Variants in CFAP221 observed in about 807,000 individuals in gnomAD.
CFAP221 encodes the protein cilia and flagella associated protein 221.
A neutral mutation model predicts 113.1 loss-of-function variants in CFAP221; 97 were observed. The observed-to-expected ratio is 0.86, with a 90% CI of 0.73 to 1.02. The LOEUF (loss-of-function observed/expected upper bound fraction) is 1.02, where lower values mean the gene tolerates loss of function less well. Among genes scored for constraint, CFAP221 ranks in the 50% least tolerant of loss-of-function variants. The pLI is 0.00. For missense variants in CFAP221, 1,025 were observed against 1,013.4 expected (o/e 1.01, Z -0.16); for synonymous variants, 331 against 354.4 (o/e 0.93, Z 0.74).
At chr2:119,587,944 A>G (rs1683334873) in intron 7 of CFAP221, among the ~76,000 whole-genome samples, 1 of 152,190 alleles carries the variant, frequency 6.6e-6, no homozygotes, top group Non-Finnish European at 1.5e-5. Context: ...ATGTACTTAG[A>G]TTATTTTCTA....
Position 119,555,043 on chromosome 2 carries a change from G to A in CFAP221, c.241-4646G>A, listed in dbSNP as rs1025828418. Among the ~76,000 whole-genome samples, 7 of 152,304 alleles carry A rather than the reference G, an allele frequency of 4.6e-5. No homozygotes were observed. The East Asian group carries it at 1.2e-3, about 25-fold the overall frequency. ...GACTCCCCCAAGGAGACACAGAAGG[G>A]AGCCTGAAGCAGCATGGGATTGGGG... On this transcript the variant is annotated intron_variant, in intron 3 of 23. Transcript: ENST00000413369.
At chr2:119,581,891 C>T (rs1442867734) in intron 6 of CFAP221, among the ~76,000 whole-genome samples, 1 of 151,740 alleles carries the variant, frequency 6.6e-6, no homozygotes, top group African/African-American at 2.4e-5. Context: ...AAAGTGAGAT[C>T]CCATCTCTAT....
At chr2:119,605,416 C>A in intron 11 of CFAP221, 127 bp downstream of exon 11, 1 of 738,124 alleles carries the variant, frequency 1.4e-6, no homozygotes, top group Non-Finnish European at 2.3e-6. Context: ...ATGATTGTTT[C>A]ACTGCCAGTG....
intron 5 of CFAP221, among the ~76,000 whole-genome samples, chr2:119,561,226 G>A (rs1422291156): frequency 4.6e-5 from 7 of 152,014 alleles, no homozygotes; most frequent in Non-Finnish European, 1.0e-4. Flanking sequence ...GGAGGTGGAG[G>A]TTGCGGTGAG....
chr2:119,627,161 A>G (rs1686369044), intron 15 of CFAP221, among the ~76,000 whole-genome samples: 1 of 151,562 alleles, frequency 6.6e-6, no homozygotes, highest in African/African-American at 2.4e-5. Context: ...AGCCTTCCCC[A>G]TCCTCCCTAG....
intron 21 of CFAP221, among the ~76,000 whole-genome samples, chr2:119,646,044 A>T (rs951558319): frequency 5.3e-5 from 8 of 152,188 alleles, no homozygotes; most frequent in Non-Finnish European, 1.0e-4. Context: ...TAAAAATAAC[A>T]ATGTATTTTC....
chr2:119,640,043 AT>A (rs1223512338), intron 21 of CFAP221, among the ~76,000 whole-genome samples, 171 bp downstream of exon 21: 1 of 152,192 alleles, frequency 6.6e-6, no homozygotes, highest in Admixed American at 6.5e-5. Context: ...CATATTTGGA[AT>A]TTATCTTGAG....
chr2:119,651,897 A>G, intron 22 of CFAP221, 77 bp from the exon 23 acceptor site: 1 of 1,164,668 alleles, frequency 8.6e-7, no homozygotes, highest in Non-Finnish European at 1.2e-6. Context: ...TAACTCCTAA[A>G]TGATCACAAT....
intron 14 of CFAP221, 110 bp from the exon 15 acceptor site, chr2:119,625,473 G>A (rs2104746234): frequency 2.2e-6 from 2 of 890,330 alleles, no homozygotes; most frequent in Non-Finnish European, 3.5e-6. Flanking sequence ...ACTCTGACTT[G>A]CAGTGGCAGT....
At chr2:119,588,128 T>C (rs1008243911) in intron 7 of CFAP221, among the ~76,000 whole-genome samples, 9 of 152,180 alleles carry the variant, frequency 5.9e-5, no homozygotes, top group Non-Finnish European at 1.5e-5. Flanking sequence ...AACAAGATAA[T>C]ATTTCAGATG....
chr2:119,652,371 G>T (rs535236234), intron 23 of CFAP221, among the ~76,000 whole-genome samples: 1 of 152,268 alleles, frequency 6.6e-6, no homozygotes, highest in African/African-American at 2.4e-5. Context: ...TAAAGAACTG[G>T]CTCTGGAGCC....
chr2:119,620,709 A>T (rs1363686303), intron 14 of CFAP221, among the ~76,000 whole-genome samples: 2 of 152,220 alleles, frequency 1.3e-5, no homozygotes, highest in East Asian at 3.9e-4. Flanking sequence ...ACCAGCTAGC[A>T]TCATAATGAC....
At chr2:119,653,226 CA>C (rs1688232334) in intron 23 of CFAP221, among the ~76,000 whole-genome samples, 1 of 151,244 alleles carries the variant, frequency 6.6e-6, no homozygotes, top group South Asian at 2.1e-4. Context: ...ACTAAAAATA[CA>C]AAAATTAGCT....
At chr2:119,632,532 C>T (rs1335572800) in intron 19 of CFAP221, among the ~76,000 whole-genome samples, 3 of 152,196 alleles carry the variant, frequency 2.0e-5, no homozygotes, top group Non-Finnish European at 2.9e-5. Flanking sequence ...CAACATCAAA[C>T]GGAGTAGTAA....
At chr2:119,637,501 A>G (rs980505175) in intron 19 of CFAP221, among the ~76,000 whole-genome samples, 1 of 152,198 alleles carries the variant, frequency 6.6e-6, no homozygotes, top group African/African-American at 2.4e-5. Context: ...AAAGTTAGAC[A>G]AACAAACAAC....
chr2:119,628,334 T>C (rs553828718), intron 16 of CFAP221, among the ~76,000 whole-genome samples: 1 of 152,008 alleles, frequency 6.6e-6, no homozygotes, highest in African/African-American at 2.4e-5. Context: ...TGTGTGTGTG[T>C]ATCTTTCTCT....
chr2:119,557,982 C>T (rs554437105), intron 3 of CFAP221, among the ~76,000 whole-genome samples: 182 of 150,762 alleles, frequency 1.2e-3, no homozygotes, highest in African/African-American at 3.5e-3. Context: ...AAAAAAGCAC[C>T]CCTAGAGTGC....
intron 23 of CFAP221, among the ~76,000 whole-genome samples, chr2:119,653,040 T>C (rs887203777): frequency 2.7e-5 from 4 of 150,142 alleles, no homozygotes; most frequent in African/African-American, 7.3e-5. Context: ...TAAATATATA[T>C]AGTTAAATAT....
Position 119,640,112 on chromosome 2 carries a change from G to A in CFAP221, c.2225+240G>A, listed in dbSNP as rs2104789958. ...ACGAATTGGCAATGCTTGAGTACAAGTAGACAACCATTCCATATAATTCAA... is the reference window on the plus strand; with the variant it reads ...ACGAATTGGCAATGCTTGAGTACAAATAGACAACCATTCCATATAATTCAA... On this transcript the variant is annotated intron_variant, in intron 21 of 23. Coordinates refer to ENST00000413369, the MANE Select transcript of CFAP221 (RefSeq NM_001271049.2). Among the ~76,000 whole-genome samples the A allele has an allele frequency of 2.6e-5, 4 of 151,864 alleles. No homozygotes were observed. In the South Asian group the frequency reaches 8.3e-4, roughly 31 times the overall value.
Sources: allele counts gnomAD v4.1 joint callset (sites outside exome capture counted in the v4.1 genomes callset), GRCh38; gene constraint gnomAD v4.1.1; transcripts MANE v1.5; gene names NCBI Gene and HGNC (gene_info 2026-07-23, HGNC 2026-07-21).